MASTL: variants seen among roughly 807,000 people sequenced by gnomAD.
The protein encoded by MASTL is serine/threonine-protein kinase greatwall.
Under a neutral mutation model 82.5 loss-of-function variants are expected in MASTL, and 54 were observed. That is an observed-to-expected ratio of 0.65 (90% CI 0.53 to 0.82). MASTL has a LOEUF of 0.82. Ranked by LOEUF, MASTL falls within the 40% of genes least tolerant of loss-of-function variation. The pLI is 0.00. For missense variants in MASTL, 950 were observed against 1,047.8 expected, an observed-to-expected ratio of 0.91 and a Z score of 1.29; for synonymous variants, 323 against 368.9, an observed-to-expected ratio of 0.88 and a Z score of 1.43.
At position 27,171,619 on chromosome 10, in the gene MASTL, GTCGGAA is replaced by G. The variant is rs2057941418; in HGVS notation, c.2124+538_2124+543del. Among the ~76,000 whole-genome samples the G allele has an allele frequency of 9.3e-5, 14 of 151,046 alleles. No individual in the cohort carries two copies. The South Asian group carries it at 2.9e-3, about 31-fold the overall frequency. On this transcript the variant is annotated intron_variant, in intron 8 of 11. Coordinates refer to ENST00000375940, the MANE Select transcript of MASTL (RefSeq NM_001172303.3). ...GGCTAATTTTTGTATTTTTAGTAGA[GTCGGAA>G]TTTCACCATGTTGCCCAGGCTGATC...
intron 8 of MASTL, among the ~76,000 whole-genome samples, chr10:27,172,409 C>G (rs1317295466): frequency 6.6e-6 from 1 of 152,110 alleles, no homozygotes; most frequent in African/African-American, 2.4e-5. Context: ...CTCACACCAT[C>G]TTTGGGAGGC....
chr10:27,177,487 A>C (rs2058136939), intron 9 of MASTL, among the ~76,000 whole-genome samples: 2 of 152,198 alleles, frequency 1.3e-5, no homozygotes, highest in South Asian at 4.1e-4. Flanking sequence ...ACATGCTGAC[A>C]ACATGCTGAG....
At position 27,173,138 on chromosome 10, in the gene MASTL, G is replaced by A. The variant is rs750268339; in HGVS notation, c.2145G>A (p.Lys715=). The change falls in exon 9 of 12, where the codon AAG becomes AAA. Residue 715 remains lysine, a synonymous_variant. Transcript: ENST00000375940. Reference sequence around the variant, plus strand: ...ATTAGCAGACCCCAAATCAGATCAAGTCGGGAACTCCATACCGAACTCCGA... The same window carrying A: ...ATTAGCAGACCCCAAATCAGATCAAATCGGGAACTCCATACCGAACTCCGA... ...MPHQQTPNQI[K]SGTPYRTPKS... 8 of 1,614,002 alleles carry A rather than the reference G, an allele frequency of 5.0e-6. No homozygotes were observed. The highest frequency in any genetic ancestry group is 5.9e-6 in the Non-Finnish European group (7 of 1,180,032).
rs751987776 is a variant in MASTL at position 27,159,642 on chromosome 10, A to C, written c.348A>C (p.Gly116=). ...VYLVMEYLIG[G]DVKSLLHIYG... is the part of the protein sequence containing the mutation. ...AGGTAATGGAATATCTTATTGGGGG[A>C]GATGTCAAGTCTCTCCTACATATAT... is the stretch of plus-strand genomic sequence containing the variant. The change falls in exon 3 of 12, where the codon GGA becomes GGC. Residue 116 remains glycine (G), a synonymous_variant. Coordinates refer to ENST00000375940, the MANE Select transcript of MASTL (RefSeq NM_001172303.3). This position sits in a 1 kb window ranked among gnomAD's most constrained non-coding sequence, Gnocchi z 4.0. 9 of 1,536,734 alleles carry C rather than the reference A, an allele frequency of 5.9e-6. No individual in the cohort carries two copies. The East Asian group carries it at 1.8e-4, about 31-fold the overall frequency.
In MASTL at chr10:27,186,908, T is replaced by C. The variant is rs2058793106; in HGVS notation, c.*372T>C. The stretch of plus-strand genomic sequence containing the variant: ...GTTTAGCATTAAAATAATAAAATAA[T>C]CATACAGTTCCATTTGATTGTAATT... On this transcript the variant is annotated 3_prime_UTR_variant, in exon 12 of 12. Coordinates refer to ENST00000375940, the MANE Select transcript of MASTL (RefSeq NM_001172303.3). 7.5e-6 allele frequency: 2 copies of C among 265,934 alleles called. No individual in the cohort carries two copies. Among genetic ancestry groups the C allele is most frequent in the Non-Finnish European group, 7.3e-6 (1 of 137,122 alleles). 16.5% of individuals were successfully genotyped at this position (265,934 alleles called of 1,614,324 possible). A position where few individuals can be genotyped will look rare whatever the true frequency, so the allele number is the denominator to read the frequency against.
chr10:27,160,628 G>A (rs999305637), intron 3 of MASTL, among the ~76,000 whole-genome samples: 3 of 151,916 alleles, frequency 2.0e-5, no homozygotes, highest in Admixed American at 2.0e-4. Flanking sequence ...GTGGGTGCCT[G>A]TAATCCCAGC....
At chr10:27,155,300 GGGCGC>G, upstream of MASTL, 1 of 916,998 alleles carries the variant, frequency 1.1e-6, no homozygotes, top group South Asian at 1.7e-5. Context: ...GACGAGGGCG[GGGCGC>G]GGCGGCGGGG....
chr10:27,158,078 A>G (rs148018954), intron 1 of MASTL, among the ~76,000 whole-genome samples: 32 of 152,288 alleles, frequency 2.1e-4, no homozygotes, highest in African/African-American at 7.2e-4. Context: ...AAGATAAGCA[A>G]TTCTATCTTG....
At position 27,185,618 on chromosome 10, in the gene MASTL, CAAAAAA is replaced by C. The variant is rs34847161; in HGVS notation, c.2483-746_2483-741del. 4.2e-3 allele frequency among the ~76,000 whole-genome samples: 409 copies of C among 98,554 alleles called. 3 individuals carry two copies. The highest frequency in any genetic ancestry group is 6.4e-3 in the East Asian group (21 of 3,298). The allele number at this position is 98,554 out of a possible 152,430, so 64.7% of individuals were successfully genotyped here. A position where few individuals can be genotyped will look rare whatever the true frequency, so the allele number is the denominator to read the frequency against. The stretch of plus-strand genomic sequence containing the variant: ...ATTGCACTCCAGCCTAGGTGACAGA[CAAAAAA>C]AAAAAAAAAAAAAATTAGCCAGGCA... On this transcript the variant is annotated intron_variant, in intron 11 of 11. Transcript: ENST00000375940.
chr10:27,167,127 A>G lies in MASTL; in HGVS notation c.837A>G (p.Pro279=), dbSNP rs773174599. ...GTCTTGAAACAGTTGCCTCCAACCC[A>G]GGAATGCCTGTGAAGTGTCTAACTT... is the stretch of plus-strand genomic sequence containing the variant. ...KSCLETVASN[P]GMPVKCLTSN... is the part of the protein sequence containing the mutation. The change falls in exon 7 of 12, where the codon CCA becomes CCG. Residue 279 remains proline (P), a synonymous_variant. Coordinates refer to ENST00000375940, the MANE Select transcript of MASTL (RefSeq NM_001172303.3). 3.7e-6 allele frequency: 6 copies of G among 1,614,062 alleles called. No individual in the cohort carries two copies. The South Asian group carries it at 6.6e-5, about 18-fold the overall frequency.
rs2057909255 is a variant in MASTL at position 27,170,866 on chromosome 10, T to C, written c.1907T>C (p.Leu636Ser). The change falls in exon 8 of 12, where the codon TTA (leucine) becomes TCA (serine). Residue 636 changes from leucine to serine, a missense_variant. Physicochemically the swap from Leu to Ser is moderately radical, Grantham distance 145. Transcript: ENST00000375940. ...PAVQESNQKM[L>S]GPPLEVLKTL... Reference sequence around the variant, plus strand: ...GTACAAGAGAGTAACCAAAAAATGTTAGGTCCTCCTTTGGAGGTGCTGAAA... The same window carrying C: ...GTACAAGAGAGTAACCAAAAAATGTCAGGTCCTCCTTTGGAGGTGCTGAAA... The C allele has an allele frequency of 6.2e-7, 1 of 1,614,050 alleles. No homozygotes were observed. The highest frequency in any genetic ancestry group is 1.7e-5 in the Admixed American group (1 of 59,988).
chr10:27,168,238 A>G (rs974966637), intron 7 of MASTL, among the ~76,000 whole-genome samples: 5 of 152,230 alleles, frequency 3.3e-5, no homozygotes, highest in Non-Finnish European at 7.3e-5. Flanking sequence ...TTCTGTCTTT[A>G]TAAAGTAAAG....
intron 2 of MASTL, among the ~76,000 whole-genome samples, 186 bp downstream of exon 2, chr10:27,158,872 C>T (rs1473170390): frequency 6.6e-6 from 1 of 152,190 alleles, no homozygotes; most frequent in African/African-American, 2.4e-5. Context: ...AAGATATATG[C>T]ATACGGTGCG....
chr10:27,156,864 AGTGAC>A (rs1483187819), intron 1 of MASTL, among the ~76,000 whole-genome samples: 9 of 117,412 alleles, frequency 7.7e-5, no homozygotes, highest in Non-Finnish European at 1.5e-4. Context: ...AGAGTTTCAC[AGTGAC>A]GTGATCTCAG....
In MASTL at chr10:27,183,407, C is replaced by G. The variant is rs181276670; in HGVS notation, c.2482+1826C>G. Among the ~76,000 whole-genome samples, 501 of 152,146 alleles carry G rather than the reference C, an allele frequency of 3.3e-3. 2 individuals carry two copies. The highest frequency in any genetic ancestry group is 0.011 in the African/African-American group (476 of 41,516). On this transcript the variant is annotated intron_variant, in intron 11 of 11. Transcript: ENST00000375940. Reference sequence around the variant, plus strand: ...CAAGTGATTCTCCTGCCTCAGCCCCCCAAGTAGCTGGGACTACAGGCATGT... The same window carrying G: ...CAAGTGATTCTCCTGCCTCAGCCCCGCAAGTAGCTGGGACTACAGGCATGT...
intron 9 of MASTL, among the ~76,000 whole-genome samples, chr10:27,178,130 G>C (rs778343946): frequency 6.6e-6 from 1 of 152,098 alleles, no homozygotes; most frequent in South Asian, 2.1e-4. Flanking sequence ...TGTGGCTCAC[G>C]CCTGTAATCC....
intron 7 of MASTL, among the ~76,000 whole-genome samples, chr10:27,169,410 T>A (rs1176787929): frequency 6.6e-6 from 1 of 151,532 alleles, no homozygotes; most frequent in Non-Finnish European, 1.5e-5. Flanking sequence ...TTAAAAAAAA[T>A]TATGCAAAAA....
At chr10:27,163,237 G>A (rs138688376) in intron 4 of MASTL, among the ~76,000 whole-genome samples, 4 of 152,136 alleles carry the variant, frequency 2.6e-5, no homozygotes, top group Non-Finnish European at 5.9e-5. Context: ...ATAGTCTGTT[G>A]ATTCCAGTTC....
chr10:27,154,642 T>G (rs1196011981), upstream of MASTL: 1 of 251,872 alleles, frequency 4.0e-6, no homozygotes, highest in East Asian at 7.6e-5. Context: ...CGATCTCGGC[T>G]CACTGCAACC....
Sources: allele counts gnomAD v4.1 joint callset (sites outside exome capture counted in the v4.1 genomes callset), GRCh38; gene constraint gnomAD v4.1.1; non-coding constraint Gnocchi (gnomAD v3.1); transcripts MANE v1.5; gene names NCBI Gene and HGNC (gene_info 2026-07-23, HGNC 2026-07-21).